Variants in CCM2L observed in about 807,000 individuals in gnomAD.
CCM2L encodes cerebral cavernous malformations 2 protein-like.
In CCM2L, 36 loss-of-function variants were observed where a neutral mutation model predicts 54.1. The ratio of observed to expected loss-of-function variants is 0.67; its 90% CI spans 0.51 to 0.88. CCM2L has a LOEUF of 0.88. Among genes scored for constraint, CCM2L ranks in the 40% least tolerant of loss-of-function variants. The pLI is 0.00. For synonymous variants in CCM2L, 351 were observed against 359.3 expected, an observed-to-expected ratio of 0.98 and a Z score of 0.26; for missense variants, 700 against 812.1, an observed-to-expected ratio of 0.86 and a Z score of 1.68.
chr20:32,025,067 CT>C (rs2064842160), intron 6 of CCM2L, among the ~76,000 whole-genome samples: 1 of 142,504 alleles, frequency 7.0e-6, no homozygotes, highest in Non-Finnish European at 1.5e-5. Flanking sequence ...TTCTTTCTTT[CT>C]TTCTTTCTTT....
chr20:32,025,124 TTTC>T (rs1203546228), intron 6 of CCM2L, among the ~76,000 whole-genome samples: 1 of 151,328 alleles, frequency 6.6e-6, no homozygotes, highest in Non-Finnish European at 1.5e-5. Flanking sequence ...TTCCCCTTTC[TTTC>T]TTTCTTTTCT....
At chr20:32,014,261 ATTTTT>A (rs5841095) in intron 1 of CCM2L, among the ~76,000 whole-genome samples, 20 of 132,224 alleles carry the variant, frequency 1.5e-4, no homozygotes, top group African/African-American at 5.9e-4. Context: ...ATATATATAT[ATTTTT>A]TTTTTTTTTT....
At chr20:32,015,185 G>A (rs1568910670) in intron 2 of CCM2L, 114 bp downstream of exon 2, 45 of 1,112,390 alleles carry the variant, frequency 4.0e-5, no homozygotes, top group Non-Finnish European at 4.1e-5. Flanking sequence ...GTGGCTCATT[G>A]GAAAGAGGCC....
At chr20:32,020,859 C>A (rs1369610120) in intron 5 of CCM2L, among the ~76,000 whole-genome samples, 1 of 152,162 alleles carries the variant, frequency 6.6e-6, no homozygotes, top group African/African-American at 2.4e-5. Context: ...CGGCGGGTGC[C>A]TGTAATCTCA....
intron 1 of CCM2L, among the ~76,000 whole-genome samples, chr20:32,014,588 A>T (rs1237215853): frequency 6.6e-6 from 1 of 151,966 alleles, no homozygotes; most frequent in Non-Finnish European, 1.5e-5. Flanking sequence ...ATTTTTCTGT[A>T]TTTGCCCCAG....
intron 5 of CCM2L, 84 bp downstream of exon 5, chr20:32,019,493 C>A: frequency 9.4e-7 from 1 of 1,058,754 alleles, no homozygotes; most frequent in Non-Finnish European, 1.3e-6. Context: ...CCCCACCCAC[C>A]AGGTTCCTAG....
At chr20:32,012,384 C>T (rs2064702430) in intron 1 of CCM2L, among the ~76,000 whole-genome samples, 1 of 151,980 alleles carries the variant, frequency 6.6e-6, no homozygotes, top group African/African-American at 2.4e-5. Context: ...ATAGTAAGAC[C>T]CCATCTCTTT....
chr20:32,026,009 C>A (rs1303341996), intron 7 of CCM2L, 90 bp downstream of exon 7: 9 of 978,738 alleles, frequency 9.2e-6, no homozygotes, highest in Admixed American at 4.7e-5. Context: ...GGTGACCCAA[C>A]CTTGATGTGT....
chr20:32,022,907 T>G, intron 6 of CCM2L, 112 bp downstream of exon 6: 7 of 1,174,292 alleles, frequency 6.0e-6, no homozygotes, highest in African/African-American at 1.5e-5. Flanking sequence ...TCCTGATCTC[T>G]GCCATAATTA....
chr20:32,010,550 T>TCGG, intron 1 of CCM2L, 66 bp downstream of exon 1: 1 of 64,762 alleles, frequency 1.5e-5, no homozygotes, highest in Admixed American at 2.2e-4. Context: ...GGGGGCAAAC[T>TCGG]GGGGCGGGGT....
At chr20:32,010,970 A>T (rs2064688951) in intron 1 of CCM2L, among the ~76,000 whole-genome samples, 1 of 152,186 alleles carries the variant, frequency 6.6e-6, no homozygotes, top group African/African-American at 2.4e-5. Flanking sequence ...GGCGTATGTA[A>T]GGCGTCAGCC....
chr20:32,018,898 C>A, intron 4 of CCM2L, 45 bp from the exon 5 acceptor site: 1 of 1,260,706 alleles, frequency 7.9e-7, no homozygotes, highest in South Asian at 2.6e-5. Flanking sequence ...GGGGGGGTCT[C>A]TGAGTCCCGA....
intron 1 of CCM2L, among the ~76,000 whole-genome samples, chr20:32,013,011 C>G (rs1405958272): frequency 6.6e-6 from 1 of 152,046 alleles, no homozygotes; most frequent in Non-Finnish European, 1.5e-5. Context: ...CTTAATGGAC[C>G]GAGCTCATTA....
intron 1 of CCM2L, 99 bp from the exon 2 acceptor site, chr20:32,014,805 G>T (rs1436372103): frequency 3.5e-5 from 41 of 1,185,214 alleles, no homozygotes; most frequent in Non-Finnish European, 7.0e-6. Flanking sequence ...GCAGAGTTTT[G>T]GTGAGAATTA....
At chr20:32,027,036 A>G (rs931796807) in intron 7 of CCM2L, among the ~76,000 whole-genome samples, 2 of 151,824 alleles carry the variant, frequency 1.3e-5, no homozygotes, top group Non-Finnish European at 2.9e-5. Context: ...AAATAAATAA[A>G]CAAATAAATA....
rs773259079 is a variant in CCM2L at position 32,029,780 on chromosome 20, G to A, written c.1344G>A (p.Gln448=). The A allele has an allele frequency of 1.2e-6, 2 of 1,613,354 alleles. No homozygotes were observed. The highest frequency in any genetic ancestry group is 2.7e-5 in the African/African-American group (2 of 74,868). Residue 448 remains glutamine, a synonymous_variant, in exon 9 of 10, where the codon CAG becomes CAA. Coordinates refer to ENST00000452892, the MANE Select transcript of CCM2L (RefSeq NM_001365692.1). ...AGTACCGGCTGGGGCTGCCCATCCA[G>A]GACTATTGCACAGGCCTGCTGAAGC... ...LREYRLGLPI[Q]DYCTGLLKLY...
intron 1 of CCM2L, among the ~76,000 whole-genome samples, chr20:32,011,724 T>C (rs889560287): frequency 5.3e-5 from 8 of 151,730 alleles, no homozygotes. Flanking sequence ...GGGAAGAGTG[T>C]TTGAGGCAGA....
At chr20:32,023,143 T>G (rs2064822671) in intron 6 of CCM2L, among the ~76,000 whole-genome samples, 1 of 152,020 alleles carries the variant, frequency 6.6e-6, no homozygotes, top group Admixed American at 6.6e-5. Flanking sequence ...ATTTTTTTTT[T>G]GTATTTTTAT....
chr20:32,025,874 A>G lies in CCM2L; in HGVS notation c.1088A>G (p.Asp363Gly), dbSNP rs1235491497. The G allele has an allele frequency of 7.7e-7, 1 of 1,304,080 alleles. No homozygotes were observed. Among genetic ancestry groups the G allele is most frequent in the South Asian group, 1.2e-5 (1 of 81,024 alleles). The allele number at this position is 1,304,080 out of a possible 1,614,324, so 80.8% of individuals were successfully genotyped here. The stretch of plus-strand genomic sequence containing the variant: ...GTCCCAGGTGAGAGCTGCCACACAG[A>G]TGGGACGTATGCCTATGATGCCGAC... ...LCSRSESCHT[D>G]GTYAYDADFS... Residue 363 changes from aspartate to glycine, a missense_variant, in exon 7 of 10, where the codon GAT (aspartate) becomes GGT (glycine). Coordinates refer to ENST00000452892, the MANE Select transcript of CCM2L (RefSeq NM_001365692.1).
Sources: allele counts gnomAD v4.1 joint callset (sites outside exome capture counted in the v4.1 genomes callset), GRCh38; gene constraint gnomAD v4.1.1; transcripts MANE v1.5; gene names NCBI Gene and HGNC (gene_info 2026-07-23, HGNC 2026-07-21).